The following C16orf74 variants were observed in gnomAD, a reference collection of about 807,000 sequenced individuals.
The protein encoded by C16orf74 is uncharacterized protein C16orf74.
In C16orf74, 10 loss-of-function variants were observed where a neutral mutation model predicts 6.5. The observed-to-expected ratio is 1.54, with a 90% CI of 0.95 to 2.61. The LOEUF is 2.61. Among genes scored for constraint, C16orf74 ranks in the 30% most tolerant of loss-of-function variants. The pLI is 0.00. For missense variants in C16orf74, 141 were observed against 105.9 expected (o/e 1.33, Z -1.45); for synonymous variants, 60 against 42.5 (o/e 1.41, Z -1.60).
chr16:85,740,827 CAAAAAAAAA>C (rs57813380), intron 1 of C16orf74, among the ~76,000 whole-genome samples: 2 of 97,900 alleles, frequency 2.0e-5, no homozygotes, highest in African/African-American at 8.2e-5. Context: ...GTGAGACCCT[CAAAAAAAAA>C]AAAAAAAAAA....
In C16orf74 at chr16:85,735,190, CT is replaced by C; in HGVS notation, c.27del (p.Gly10AlafsTer19). The stretch of plus-strand genomic sequence containing the variant: ...GTGGGGGCAGAGCTTCAGGCCTTAC[CT>C]TTCAGGCAGGACATCTTAAGCCCCA... MGLKMSCL[K>X]GFQMCVSSSS... On this transcript the variant is annotated frameshift_variant and splice_region_variant, in exon 2 of 4. Coordinates refer to ENST00000284245, the MANE Select transcript of C16orf74 (RefSeq NM_206967.3). LOFTEE classifies it high-confidence loss of function. 1 of 1,606,216 alleles carries C rather than the reference CT, an allele frequency of 6.2e-7. No individual in the cohort carries two copies. The highest frequency in any genetic ancestry group is 8.5e-7 in the Non-Finnish European group (1 of 1,176,030).
chr16:85,729,134 C>A (rs568959582), intron 2 of C16orf74, among the ~76,000 whole-genome samples: 1 of 152,342 alleles, frequency 6.6e-6, no homozygotes, highest in East Asian at 1.9e-4. Context: ...TCCCCCTTTC[C>A]CCTTCCGTCT....
At chr16:85,743,164 C>G (rs1472054808) in intron 1 of C16orf74, 1 of 152,268 alleles carries the variant, frequency 6.6e-6, no homozygotes, top group Middle Eastern at 3.4e-3. Flanking sequence ...TGCTTTCATG[C>G]GAGAGGCCCC....
Position 85,708,085 on chromosome 16 carries a change from G to A in C16orf74, c.173-19C>T. On this transcript the variant is annotated intron_variant, in intron 3 of 3. Coordinates refer to ENST00000284245, the MANE Select transcript of C16orf74 (RefSeq NM_206967.3). The stretch of plus-strand genomic sequence containing the variant: ...AGCCAGACTAGGAGAAAGAGGGGAT[G>A]GACACCTGGATGCACCCTGCCCCCA... 1 of 1,549,188 alleles carries A rather than the reference G, an allele frequency of 6.5e-7. No homozygotes were observed. Among genetic ancestry groups the A allele is most frequent in the Non-Finnish European group, 8.7e-7 (1 of 1,144,374 alleles).
intron 2 of C16orf74, among the ~76,000 whole-genome samples, chr16:85,721,164 G>A (rs1313619974): frequency 6.6e-6 from 1 of 151,948 alleles, no homozygotes; most frequent in Non-Finnish European, 1.5e-5. Context: ...CCCTCCTCCA[G>A]CCTTCAATCT....
chr16:85,750,423 C>A (rs1313527649), intron 1 of C16orf74, among the ~76,000 whole-genome samples: 8 of 152,242 alleles, frequency 5.3e-5, no homozygotes, highest in African/African-American at 1.7e-4. Context: ...GGTCGCCCTT[C>A]GCGGTTGCAA....
intron 1 of C16orf74, among the ~76,000 whole-genome samples, chr16:85,747,615 T>C (rs1286319425): frequency 6.6e-6 from 1 of 152,152 alleles, no homozygotes; most frequent in East Asian, 1.9e-4. Context: ...ACAATGGGCA[T>C]ATCATCTTGC....
At chr16:85,710,993 G>A (rs758555931) in intron 2 of C16orf74, 2 of 152,232 alleles carry the variant, frequency 1.3e-5, no homozygotes, top group Non-Finnish European at 2.9e-5. Context: ...GCGCATGCTC[G>A]AGACAGAGTA....
intron 2 of C16orf74, among the ~76,000 whole-genome samples, chr16:85,730,819 G>A (rs1407737683): frequency 3.0e-5 from 3 of 98,592 alleles, no homozygotes; most frequent in Admixed American, 3.0e-4. Context: ...TCCCCCATAC[G>A]AGACAACCCC....
At chr16:85,741,709 T>G (rs547219513) in intron 1 of C16orf74, 59 of 169,816 alleles carry the variant, frequency 3.5e-4, no homozygotes, top group Non-Finnish European at 6.1e-4. Context: ...CAAGAAAGAA[T>G]TGGGAGTCTA....
chr16:85,736,345 G>A (rs1258436735), intron 1 of C16orf74, among the ~76,000 whole-genome samples: 3 of 152,162 alleles, frequency 2.0e-5, no homozygotes, highest in African/African-American at 7.2e-5. Flanking sequence ...CAACCCGGAG[G>A]CTGGGGAGCA....
At position 85,708,022 on chromosome 16, in the gene C16orf74, C is replaced by T. The variant is rs367980585; in HGVS notation, c.217G>A (p.Asp73Asn). The change falls in exon 4 of 4, where the codon GAC becomes AAC. Residue 73 changes from aspartate to asparagine, a missense_variant. Asp to Asn is a conservative substitution (Grantham distance 23). Coordinates refer to ENST00000284245, the MANE Select transcript of C16orf74 (RefSeq NM_206967.3). ...AGGACACCTCCTCAGGCTTCTGGGTCGATTTCTCCATCATCTGGGCACGAC... is the reference window on the plus strand; with the variant it reads ...AGGACACCTCCTCAGGCTTCTGGGTTGATTTCTCCATCATCTGGGCACGAC... The part of the protein sequence containing the change: ...TGSCPDDGEI[D>N]PEA 115 of 1,553,128 alleles carry T rather than the reference C, an allele frequency of 7.4e-5. No individual in the cohort carries two copies. Among genetic ancestry groups the T allele is most frequent in the Middle Eastern group, 3.3e-4 (2 of 5,994 alleles).
chr16:85,744,958 A>T (rs749337901), intron 1 of C16orf74, among the ~76,000 whole-genome samples: 12 of 151,492 alleles, frequency 7.9e-5, no homozygotes, highest in Admixed American at 7.9e-4. Context: ...CCTGACCAAC[A>T]TGCAGAAAGC....
At chr16:85,738,116 G>T (rs1168562273) in intron 1 of C16orf74, among the ~76,000 whole-genome samples, 1 of 151,856 alleles carries the variant, frequency 6.6e-6, no homozygotes, top group East Asian at 2.0e-4. Flanking sequence ...GTGGTGGCCT[G>T]TGCCTGTAGT....
intron 2 of C16orf74, among the ~76,000 whole-genome samples, chr16:85,713,277 C>G (rs555608646): frequency 6.6e-6 from 1 of 152,040 alleles, no homozygotes; most frequent in Non-Finnish European, 1.5e-5. Flanking sequence ...CAGACTCCCC[C>G]CTGCTTTTTT....
chr16:85,710,203 G>T lies in C16orf74; in HGVS notation c.133C>A (p.Pro45Thr), dbSNP rs2053955031. The stretch of plus-strand genomic sequence containing the variant: ...TCCCTCGGCAGCATCATGCCCGTGG[G>T]GGTGGGGGGCGTGATGATGATGTCG... ...VPDIIITPPT[P>T]TGMMLPRDLG... Residue 45 changes from proline to threonine, a missense_variant, in exon 3 of 4, where the codon CCC (proline) becomes ACC (threonine). Pro to Thr is a conservative substitution (Grantham distance 38). Transcript: ENST00000284245. 1.3e-6 allele frequency: 2 copies of T among 1,494,558 alleles called. No homozygotes were observed. The highest frequency in any genetic ancestry group is 1.8e-6 in the Non-Finnish European group (2 of 1,133,676). The allele number at this position is 1,494,558 out of a possible 1,614,324, so 92.6% of individuals were successfully genotyped here.
intron 1 of C16orf74, among the ~76,000 whole-genome samples, chr16:85,744,845 A>AC (rs147436626): frequency 2.1e-5 from 1 of 47,602 alleles, no homozygotes; most frequent in Non-Finnish European, 6.9e-5. Flanking sequence ...AAAAAAAAAA[A>AC]AAAAACTCTC....
chr16:85,749,692 G>C (rs74548471), intron 1 of C16orf74, among the ~76,000 whole-genome samples: 6,386 of 152,342 alleles, frequency 0.042, 431 homozygotes, highest in African/African-American at 0.15. Context: ...CCGTAAGCAT[G>C]AACTATCAGT....
chr16:85,708,722 C>A (rs1468259809), intron 3 of C16orf74, among the ~76,000 whole-genome samples: 3 of 152,260 alleles, frequency 2.0e-5, no homozygotes. Flanking sequence ...AGCACCTGCA[C>A]TGGCCCAACC....
Sources: gnomAD v4.1 joint callset for allele counts (sites outside exome capture counted in the v4.1 genomes callset) on GRCh38, gnomAD v4.1.1 for gene constraint, MANE v1.5 for transcripts, NCBI Gene and HGNC (gene_info 2026-07-23, HGNC 2026-07-21) for gene names.